The following PUM2 variants were observed in gnomAD, a reference collection of about 807,000 sequenced individuals.
PUM2 encodes pumilio RNA binding family member 2, also known as pumilio homolog 2.
A neutral mutation model predicts 124.5 loss-of-function variants in PUM2; 57 were observed. The observed-to-expected ratio is 0.46, with a 90% CI of 0.37 to 0.57. The LOEUF is 0.57. PUM2 is among the 20% of genes least tolerant of loss of function. The pLI is 0.00. For synonymous variants in PUM2, 460 were observed against 446.1 expected (o/e 1.03, Z -0.39); for missense variants, 1,065 against 1,290.6 (o/e 0.83, Z 2.68).
At position 20,297,510 on chromosome 2, in the gene PUM2, A is replaced by G. The variant is rs79322133; in HGVS notation, c.1009+43T>C. On this transcript the variant is annotated intron_variant, in intron 8 of 20. Transcript: ENST00000361078. ...AAAGCTTACACCCAAAACTAAATAC[A>G]TTAAAAAGCAACCATAATAAAGATG... is the stretch of plus-strand genomic sequence containing the variant. 1.2e-3 allele frequency: 1,793 copies of G among 1,473,048 alleles called. 16 individuals are homozygous for G. The African/African-American group carries it at 0.022, about 18-fold the overall frequency. The allele number at this position is 1,473,048 out of a possible 1,614,324, so 91.2% of individuals were successfully genotyped here. A position where few individuals can be genotyped will look rare whatever the true frequency, so the allele number is the denominator to read the frequency against.
intron 10 of PUM2, among the ~76,000 whole-genome samples, chr2:20,285,800 T>A (rs1387109391): frequency 6.6e-6 from 1 of 152,172 alleles, no homozygotes; most frequent in African/African-American, 2.4e-5. Flanking sequence ...TAGACAGTTT[T>A]ACATATTAAA....
rs1558542297 is a variant in PUM2 at position 20,282,935 on chromosome 2, A to C, written c.1720+12T>G. ...ACTTAGCAGAGTACACTCATCGTAA[A>C]AACAAACTTACCTGATGAACCAAAT... On this transcript the variant is annotated intron_variant, in intron 12 of 20. Coordinates refer to ENST00000361078, the MANE Select transcript of PUM2 (RefSeq NM_015317.5). The C allele has an allele frequency of 6.2e-7, 1 of 1,611,064 alleles. No individual in the cohort carries two copies. Among genetic ancestry groups the C allele is most frequent in the East Asian group, 2.2e-5 (1 of 44,868 alleles).
chr2:20,318,734 A>G, intron 2 of PUM2, 89 bp from the exon 3 acceptor site: 1 of 828,236 alleles, frequency 1.2e-6, no homozygotes, highest in Admixed American at 2.6e-5. Context: ...TGCTATGTAT[A>G]CATTAGTTTT....
At chr2:20,301,858 CG>C (rs905115973) in intron 7 of PUM2, among the ~76,000 whole-genome samples, 5 of 152,130 alleles carry the variant, frequency 3.3e-5, no homozygotes, top group Admixed American at 1.3e-4. Flanking sequence ...GGATTACAGG[CG>C]TGAGCCACTG....
chr2:20,253,541 T>C (rs183869360), intron 20 of PUM2, among the ~76,000 whole-genome samples: 1 of 151,586 alleles, frequency 6.6e-6, no homozygotes, highest in East Asian at 1.9e-4. Flanking sequence ...GGGAGGGTCT[T>C]GCCACATTGC....
chr2:20,285,281 T>C (rs1406879943), intron 10 of PUM2, among the ~76,000 whole-genome samples: 2 of 152,228 alleles, frequency 1.3e-5, no homozygotes, highest in Non-Finnish European at 2.9e-5. Context: ...GATTATATGG[T>C]CTGCCCTTGC....
intron 13 of PUM2, among the ~76,000 whole-genome samples, chr2:20,269,648 C>T (rs1380311445): frequency 6.6e-6 from 1 of 152,120 alleles, no homozygotes. Flanking sequence ...ACATGTCAAA[C>T]GTACTACCTT....
At chr2:20,304,245 T>C (rs1677684135) in intron 7 of PUM2, among the ~76,000 whole-genome samples, 1 of 152,168 alleles carries the variant, frequency 6.6e-6, no homozygotes, top group Non-Finnish European at 1.5e-5. Context: ...CCTGGCTTTA[T>C]TCCCAATTTA....
At chr2:20,328,960 C>T (rs111302053) in intron 1 of PUM2, among the ~76,000 whole-genome samples, 2,113 of 152,002 alleles carry the variant, frequency 0.014, 26 homozygotes, top group Middle Eastern at 0.027. Context: ...TTACTTGAGC[C>T]CAGGAATTGA....
intron 10 of PUM2, among the ~76,000 whole-genome samples, chr2:20,284,853 T>C (rs1042995635): frequency 1.3e-5 from 2 of 152,224 alleles, no homozygotes; most frequent in African/African-American, 4.8e-5. Context: ...CATGCATAGG[T>C]TGTTTTTAGT....
At chr2:20,326,070 T>C (rs1683602644) in intron 2 of PUM2, among the ~76,000 whole-genome samples, 1 of 152,188 alleles carries the variant, frequency 6.6e-6, no homozygotes, top group Non-Finnish European at 1.5e-5. Flanking sequence ...CAAAAGCCCT[T>C]TTCATCTGCC....
At chr2:20,266,646 A>G (rs1255990992) in intron 13 of PUM2, among the ~76,000 whole-genome samples, 1 of 152,230 alleles carries the variant, frequency 6.6e-6, no homozygotes, top group Non-Finnish European at 1.5e-5. Context: ...GACATTTTAA[A>G]TTTTGTTGTC....
At chr2:20,263,889 T>C (rs538402958) in intron 13 of PUM2, among the ~76,000 whole-genome samples, 3 of 152,294 alleles carry the variant, frequency 2.0e-5, no homozygotes, top group East Asian at 3.9e-4. Flanking sequence ...GAATGTTAAA[T>C]CTCTAGTTTT....
At chr2:20,310,560 C>T (rs1679372544) in intron 5 of PUM2, among the ~76,000 whole-genome samples, 2 of 151,904 alleles carry the variant, frequency 1.3e-5, no homozygotes, top group South Asian at 4.1e-4. Context: ...ATCTGAATAG[C>T]ATTAAATGTA....
chr2:20,277,722 T>C (rs1188403048), intron 13 of PUM2, among the ~76,000 whole-genome samples: 1 of 152,168 alleles, frequency 6.6e-6, no homozygotes, highest in African/African-American at 2.4e-5. Flanking sequence ...CATTACTTTT[T>C]AAAACACAAG....
At chr2:20,254,204 G>T (rs1018383811) in intron 19 of PUM2, among the ~76,000 whole-genome samples, 190 bp from the exon 20 acceptor site, 2 of 151,020 alleles carry the variant, frequency 1.3e-5, no homozygotes, top group East Asian at 3.9e-4. Context: ...TCTGTCACCC[G>T]GGCTGGAGTG....
intron 2 of PUM2, 72 bp from the exon 3 acceptor site, chr2:20,318,717 A>G (rs1014060343): frequency 1.9e-6 from 2 of 1,052,776 alleles, no homozygotes; most frequent in African/African-American, 3.2e-5. Flanking sequence ...AGTCTCAAAC[A>G]TATCACTGCT....
intron 13 of PUM2, among the ~76,000 whole-genome samples, chr2:20,269,350 G>A (rs533966992): frequency 5.3e-5 from 8 of 151,962 alleles, no homozygotes; most frequent in African/African-American, 7.2e-5. Flanking sequence ...ACAGGCACCC[G>A]CCACCACGCC....
At chr2:20,280,339 T>C (rs748613708) in intron 12 of PUM2, among the ~76,000 whole-genome samples, 1 of 152,164 alleles carries the variant, frequency 6.6e-6, no homozygotes, top group Non-Finnish European at 1.5e-5. Context: ...TAGGTGTCTA[T>C]ATGCATTTTT....
Sources: allele counts gnomAD v4.1 joint callset (sites outside exome capture counted in the v4.1 genomes callset), GRCh38; gene constraint gnomAD v4.1.1; transcripts MANE v1.5; gene names NCBI Gene and HGNC (gene_info 2026-07-23, HGNC 2026-07-21).